Variants in SLCO3A1 observed in about 807,000 individuals in gnomAD.
The protein encoded by SLCO3A1 is solute carrier organic anion transporter family member 3A1.
A neutral mutation model predicts 63.1 loss-of-function variants in SLCO3A1; 27 were observed. The ratio of observed to expected loss-of-function variants is 0.43; its 90% CI spans 0.32 to 0.59. SLCO3A1 has a LOEUF of 0.59. Among genes scored for constraint, SLCO3A1 ranks in the 20% least tolerant of loss-of-function variants. The probability of loss-of-function intolerance (pLI) is 0.09; values close to 1 mark genes in which losing one functional copy is unlikely to be tolerated. For synonymous variants in SLCO3A1, 473 were observed against 409.9 expected (o/e 1.15, Z -1.86); for missense variants, 773 against 945.8 (o/e 0.82, Z 2.40).
intron 7 of SLCO3A1, among the ~76,000 whole-genome samples, chr15:92,139,774 G>A (rs1022187812): frequency 2.6e-5 from 4 of 151,578 alleles, no homozygotes; most frequent in Non-Finnish European, 4.4e-5. Context: ...AGAGGTGTTT[G>A]TAGTATTCTC....
chr15:91,892,544 T>A (rs192324930), intron 1 of SLCO3A1, among the ~76,000 whole-genome samples: 11 of 152,270 alleles, frequency 7.2e-5, no homozygotes, highest in Non-Finnish European at 1.5e-4. Context: ...ATTTGTGACA[T>A]GAGTAGGAGG....
chr15:92,026,568 C>T (rs987862721), intron 2 of SLCO3A1, among the ~76,000 whole-genome samples: 7 of 152,084 alleles, frequency 4.6e-5, no homozygotes, highest in African/African-American at 1.7e-4. Flanking sequence ...TCTAGGGGTC[C>T]CTAAGGGTTC....
intron 2 of SLCO3A1, among the ~76,000 whole-genome samples, chr15:92,082,647 A>G (rs1321251052): frequency 1.3e-5 from 2 of 152,242 alleles, no homozygotes; most frequent in Non-Finnish European, 2.9e-5. Context: ...TTCATGCCAG[A>G]TATCAGAAGA....
chr15:92,070,281 T>G (rs1468510462), intron 2 of SLCO3A1, among the ~76,000 whole-genome samples: 1 of 152,402 alleles, frequency 6.6e-6, no homozygotes, highest in East Asian at 1.9e-4. Flanking sequence ...GTACAATTAT[T>G]GCTAAATGTT....
In SLCO3A1 at chr15:92,133,869, T is replaced by G. The variant is rs182540316; in HGVS notation, c.1512+5380T>G. Among the ~76,000 whole-genome samples, 352 of 152,308 alleles carry G rather than the reference T, an allele frequency of 2.3e-3. 3 individuals are homozygous for G. Among genetic ancestry groups the G allele is most frequent in the Admixed American group, 4.8e-3 (73 of 15,304 alleles). On this transcript the variant is annotated intron_variant, in intron 7 of 9. Coordinates refer to ENST00000318445, the MANE Select transcript of SLCO3A1 (RefSeq NM_013272.4). ...GAAACTATCCCCCAAACCCCACTGG[T>G]CAGTGGAATAATTGTCTTCCACGAA...
chr15:92,105,239 A>C (rs1332763463), intron 4 of SLCO3A1, among the ~76,000 whole-genome samples: 7 of 151,988 alleles, frequency 4.6e-5, no homozygotes. Context: ...GAGCCACTGC[A>C]CTCCAGCCTG....
Position 91,853,743 on chromosome 15 carries a change from T to A in SLCO3A1, c.-166T>A. ...CGGCGGCGGCGGCGGCGAGGAGCTG[T>A]GCCTTCCACCTCTCCAGCCCCGGCA... On this transcript the variant is annotated 5_prime_UTR_variant, in exon 1 of 10. Coordinates refer to ENST00000318445, the MANE Select transcript of SLCO3A1 (RefSeq NM_013272.4). The A allele has an allele frequency of 1.8e-6, 1 of 553,758 alleles. No homozygotes were observed. Among genetic ancestry groups the A allele is most frequent in the Non-Finnish European group, 2.3e-6 (1 of 427,934 alleles). 34.3% of individuals were successfully genotyped at this position (553,758 alleles called of 1,614,324 possible).
At chr15:92,099,140 C>T (rs1044324078) in intron 3 of SLCO3A1, among the ~76,000 whole-genome samples, 1 of 152,222 alleles carries the variant, frequency 6.6e-6, no homozygotes, top group Middle Eastern at 3.2e-3. Flanking sequence ...CAGCCGGCCT[C>T]GCAGAAGGCT....
chr15:92,054,755 T>C (rs186114630), intron 2 of SLCO3A1, among the ~76,000 whole-genome samples: 38 of 152,316 alleles, frequency 2.5e-4, no homozygotes, highest in Admixed American at 2.0e-3. Context: ...TCCAGGTTTA[T>C]CCATGTCCCT....
At position 91,960,064 on chromosome 15, in the gene SLCO3A1, A is replaced by G. The variant is rs543704735; in HGVS notation, c.646+43606A>G. On this transcript the variant is annotated intron_variant, in intron 2 of 9. Coordinates refer to ENST00000318445, the MANE Select transcript of SLCO3A1 (RefSeq NM_013272.4). ...AGTGGCACAATCTCGGCTCACTGCA[A>G]CCTCCGCCTCCTGGGTTCAAAAGAT... 3.3e-5 allele frequency among the ~76,000 whole-genome samples: 5 copies of G among 152,036 alleles called. No homozygotes were observed. In the East Asian group the frequency reaches 5.9e-4, roughly 18 times the overall value.
chr15:92,038,905 C>T (rs1323249638), intron 2 of SLCO3A1, among the ~76,000 whole-genome samples: 1 of 152,042 alleles, frequency 6.6e-6, no homozygotes, highest in African/African-American at 2.4e-5. Context: ...CCAAAAAAGA[C>T]ATATAGACCA....
At chr15:92,074,818 G>A (rs1235981219) in intron 2 of SLCO3A1, among the ~76,000 whole-genome samples, 1 of 152,130 alleles carries the variant, frequency 6.6e-6, no homozygotes. Flanking sequence ...TTTCTGGTAG[G>A]CAGCCCCACA....
chr15:92,129,270 C>A lies in SLCO3A1; in HGVS notation c.1512+781C>A, dbSNP rs577382728. On this transcript the variant is annotated intron_variant, in intron 7 of 9. Transcript: ENST00000318445. ...AGGGTTTCTGTAACATAGCAAATGA[C>A]CCTTTCTCATGCTACTCTGTCAACT... Among the ~76,000 whole-genome samples the A allele has an allele frequency of 6.6e-5, 10 of 152,282 alleles. No homozygotes were observed. The East Asian group carries it at 9.7e-4, about 15-fold the overall frequency.
Position 91,912,488 on chromosome 15 carries a change from GTC to G in SLCO3A1, c.181-3501_181-3500del, listed in dbSNP as rs891768117. On this transcript the variant is annotated intron_variant, in intron 1 of 9. Transcript: ENST00000318445. The surrounding 1 kb of genome is among the most constrained non-coding windows in gnomAD (Gnocchi z 5.0). ...AGAGCTGCAGGCACGGGCGTTATCTGTCTCTAAAAGAACTGATTATTTTTTGT... is the reference window on the plus strand; with the variant it reads ...AGAGCTGCAGGCACGGGCGTTATCTGTCTAAAAGAACTGATTATTTTTTGT... Among the ~76,000 whole-genome samples the G allele has an allele frequency of 8.5e-5, 13 of 152,186 alleles. No homozygotes were observed. The highest frequency in any genetic ancestry group is 1.2e-4 in the African/African-American group (5 of 41,454).
At chr15:91,993,647 A>G (rs569632070) in intron 2 of SLCO3A1, among the ~76,000 whole-genome samples, 211 of 152,318 alleles carry the variant, frequency 1.4e-3, no homozygotes, top group African/African-American at 5.0e-3. Context: ...GACTTGGTCC[A>G]TGGTAGCCAG....
chr15:91,937,997 G>A (rs1489741465), intron 2 of SLCO3A1, among the ~76,000 whole-genome samples: 1 of 152,156 alleles, frequency 6.6e-6, no homozygotes, highest in East Asian at 1.9e-4. Flanking sequence ...TAATACAGGT[G>A]AAACATTCAG....
At chr15:91,857,410 A>C (rs912473539) in intron 1 of SLCO3A1, among the ~76,000 whole-genome samples, 1 of 152,230 alleles carries the variant, frequency 6.6e-6, no homozygotes, top group Non-Finnish European at 1.5e-5. Flanking sequence ...ATGTTCCATC[A>C]TAGTCACCTA....
chr15:91,866,717 G>C (rs954856977), intron 1 of SLCO3A1, among the ~76,000 whole-genome samples: 2 of 152,084 alleles, frequency 1.3e-5, no homozygotes, highest in Admixed American at 6.6e-5. Flanking sequence ...TTTATCGTGG[G>C]GGGGGAGATG....
intron 2 of SLCO3A1, among the ~76,000 whole-genome samples, chr15:92,080,173 A>G (rs1172618874): frequency 1.3e-5 from 2 of 152,188 alleles, no homozygotes; most frequent in African/African-American, 4.8e-5. Flanking sequence ...GAAGTCGTCT[A>G]GCTTTGTGGG....
Sources: gnomAD v4.1 joint callset for allele counts (sites outside exome capture counted in the v4.1 genomes callset) on GRCh38, gnomAD v4.1.1 for gene constraint, Gnocchi (gnomAD v3.1) non-coding constraint, MANE v1.5 for transcripts, NCBI Gene and HGNC (gene_info 2026-07-23, HGNC 2026-07-21) for gene names.